The following ZMYND11 variants were observed in gnomAD, a reference collection of about 807,000 sequenced individuals.
ZMYND11 encodes the protein zinc finger MYND domain-containing protein 11.
ZMYND11 carries 9 observed loss-of-function variants against 84.9 expected under a neutral mutation model. The ratio of observed to expected loss-of-function variants is 0.11; its 90% CI spans 0.06 to 0.18. The LOEUF is 0.18. Ranked by LOEUF, ZMYND11 falls within the 10% of genes least tolerant of loss-of-function variation. ZMYND11 has a pLI of 1.00. For synonymous variants in ZMYND11, 250 were observed against 244.1 expected, an observed-to-expected ratio of 1.02 and a Z score of -0.23; for missense variants, 409 against 761.0, an observed-to-expected ratio of 0.54 and a Z score of 5.44.
intron 2 of ZMYND11, among the ~76,000 whole-genome samples, chr10:193,383 T>G (rs895694060): frequency 1.3e-5 from 2 of 152,256 alleles, no homozygotes; most frequent in Non-Finnish European, 2.9e-5. Context: ...CCGTTACTTG[T>G]GTGCCCTCTG....
intron 2 of ZMYND11, among the ~76,000 whole-genome samples, chr10:201,981 A>G (rs1278543094): frequency 3.9e-5 from 6 of 152,208 alleles, no homozygotes; most frequent in Non-Finnish European, 8.8e-5. Context: ...AGTTCTTGTT[A>G]TAGATTAAGC....
At chr10:149,936 C>A (rs908207591) in intron 1 of ZMYND11, among the ~76,000 whole-genome samples, 1 of 151,126 alleles carries the variant, frequency 6.6e-6, no homozygotes, top group Non-Finnish European at 1.5e-5. Context: ...GTATGTTGAA[C>A]CAACCTTGCA....
At chr10:209,037 G>GTATATA (rs541792944) in intron 2 of ZMYND11, among the ~76,000 whole-genome samples, 11 of 150,460 alleles carry the variant, frequency 7.3e-5, no homozygotes, top group African/African-American at 2.7e-4. Flanking sequence ...ATATGTATAT[G>GTATATA]TATATATATA....
chr10:239,964 T>C (rs750117440), intron 7 of ZMYND11, 92 bp from the exon 8 acceptor site: 152 of 1,077,442 alleles, frequency 1.4e-4, no homozygotes, highest in Non-Finnish European at 1.9e-4. Context: ...ATGGTAGATG[T>C]CTACTTTTGC....
rs75859308 is a variant in ZMYND11, at chr10:196,461, A to C, written c.117-13428A>C. 0.012 allele frequency among the ~76,000 whole-genome samples: 1,851 copies of C among 152,282 alleles called. 100 individuals carry two copies. In the East Asian group the frequency reaches 0.14, roughly 12 times the overall value. On this transcript the variant is annotated intron_variant, in intron 2 of 14. Transcript: ENST00000381604. ...ATAATCGAGTTAAAAATGAAAATGG[A>C]AGTTTTTAAGATGTATATAATTTGA...
intron 4 of ZMYND11, among the ~76,000 whole-genome samples, chr10:231,406 T>TCATTCCTG: frequency 6.6e-6 from 1 of 152,324 alleles, no homozygotes; most frequent in East Asian, 1.9e-4. Flanking sequence ...ATTTTGCACT[T>TCATTCCTG]CATTCCTGCT....
At chr10:225,763 T>C (rs1050966684) in intron 4 of ZMYND11, among the ~76,000 whole-genome samples, 1 of 152,244 alleles carries the variant, frequency 6.6e-6, no homozygotes, top group Non-Finnish European at 1.5e-5. Context: ...TATGTGTGCA[T>C]GTGCTCCATG....
intron 1 of ZMYND11, chr10:147,732 A>T (rs1462549813): frequency 6.6e-6 from 1 of 151,282 alleles, no homozygotes; most frequent in East Asian, 1.9e-4. Context: ...GGGAAGATGG[A>T]TATCGAAGGT....
At chr10:203,590 A>G (rs1293847329) in intron 2 of ZMYND11, among the ~76,000 whole-genome samples, 1 of 152,174 alleles carries the variant, frequency 6.6e-6, no homozygotes, top group African/African-American at 2.4e-5. Context: ...AAGAGCCACA[A>G]TGAGTCTGAA....
At chr10:136,226 C>CGCGGCTGGGACGAGGGGGG (rs1836005011) in intron 1 of ZMYND11, among the ~76,000 whole-genome samples, 1 of 152,130 alleles carries the variant, frequency 6.6e-6, no homozygotes, top group Non-Finnish European at 1.5e-5. Context: ...CTGCTGAGGA[C>CGCGGCTGGGACGAGGGGGG]GCGGCTGGGA....
At chr10:186,049 G>A (rs1336394630) in intron 2 of ZMYND11, among the ~76,000 whole-genome samples, 5 of 147,946 alleles carry the variant, frequency 3.4e-5, no homozygotes, top group African/African-American at 1.0e-4. Context: ...TGGCTCTTTC[G>A]CCCAGGTTGG....
At chr10:201,583 A>AACACACACACACACACACACACAC (rs1283244814) in intron 2 of ZMYND11, among the ~76,000 whole-genome samples, 1 of 15,102 alleles carries the variant, frequency 6.6e-5, no homozygotes, top group Non-Finnish European at 1.9e-4. Flanking sequence ...GTTACCATGA[A>AACACACACACACACACACACACAC]ATACACACAC....
At chr10:152,947 G>T (rs782070856) in intron 1 of ZMYND11, among the ~76,000 whole-genome samples, 1 of 152,304 alleles carries the variant, frequency 6.6e-6, no homozygotes, top group South Asian at 2.1e-4. Flanking sequence ...TGAACAACCT[G>T]CTCCTGAATG....
At chr10:186,365 G>A (rs374246369) in intron 2 of ZMYND11, among the ~76,000 whole-genome samples, 40 of 151,606 alleles carry the variant, frequency 2.6e-4, no homozygotes, top group Non-Finnish European at 3.7e-4. Context: ...AATTCCGGCC[G>A]GGCGCCATGG....
chr10:185,359 T>C (rs1306359727), intron 2 of ZMYND11, among the ~76,000 whole-genome samples: 1 of 152,060 alleles, frequency 6.6e-6, no homozygotes, highest in Non-Finnish European at 1.5e-5. Context: ...TTTGTTGTAC[T>C]GTGTATGTTG....
intron 2 of ZMYND11, among the ~76,000 whole-genome samples, chr10:192,680 G>A (rs1283779014): frequency 6.6e-6 from 1 of 152,190 alleles, no homozygotes; most frequent in African/African-American, 2.4e-5. Context: ...GCTGGGTAGC[G>A]CTGTGCACAA....
intron 5 of ZMYND11, 112 bp downstream of exon 5, chr10:237,027 A>T (rs917181182): frequency 1.1e-5 from 11 of 957,922 alleles, no homozygotes; most frequent in Non-Finnish European, 1.7e-5. Context: ...AGCAATATGA[A>T]GTGTGGAGAG....
chr10:170,518 G>A (rs1554765408), intron 1 of ZMYND11, among the ~76,000 whole-genome samples: 1 of 151,836 alleles, frequency 6.6e-6, no homozygotes, highest in African/African-American at 2.4e-5. Context: ...ATGACAGTTT[G>A]TAAGTGAAAT....
At chr10:142,609 A>G (rs1049483432) in intron 1 of ZMYND11, among the ~76,000 whole-genome samples, 12 of 152,212 alleles carry the variant, frequency 7.9e-5, no homozygotes, top group African/African-American at 2.7e-4. Context: ...GTAACCTGCT[A>G]TGCTACTCTG....
Sources: gnomAD v4.1 joint callset for allele counts (sites outside exome capture counted in the v4.1 genomes callset) on GRCh38, gnomAD v4.1.1 for gene constraint, MANE v1.5 for transcripts, NCBI Gene and HGNC (gene_info 2026-07-23, HGNC 2026-07-21) for gene names.